METTL8: variants seen among roughly 807,000 people sequenced by gnomAD.
METTL8 encodes the protein tRNA N(3)-cytidine methyltransferase METTL8, mitochondrial.
Under a neutral mutation model 48.7 loss-of-function variants are expected in METTL8, and 32 were observed. The ratio of observed to expected loss-of-function variants is 0.66; its 90% CI spans 0.50 to 0.88. The LOEUF (loss-of-function observed/expected upper bound fraction) is 0.88. METTL8 is among the 40% of genes least tolerant of loss of function. The pLI, the probability that METTL8 is intolerant of heterozygous loss-of-function variation, is 0.00. For synonymous variants in METTL8, 136 were observed against 157.1 expected, an observed-to-expected ratio of 0.87 and a Z score of 1.01; for missense variants, 464 against 474.4, an observed-to-expected ratio of 0.98 and a Z score of 0.20.
intron 1 of METTL8, among the ~76,000 whole-genome samples, chr2:171,426,094 T>C (rs1278365228): frequency 3.9e-5 from 6 of 152,088 alleles, no homozygotes; most frequent in African/African-American, 1.4e-4. Context: ...GAGGCAGAGG[T>C]TGCAGTGAGC....
intron 2 of METTL8, among the ~76,000 whole-genome samples, chr2:171,384,939 A>G (rs1278230278): frequency 3.3e-5 from 5 of 152,190 alleles, no homozygotes; most frequent in Non-Finnish European, 7.3e-5. Flanking sequence ...TTCTCAGCAT[A>G]TTAGAAACTA....
chr2:171,398,504 A>T (rs946661990), intron 1 of METTL8, among the ~76,000 whole-genome samples: 2 of 152,054 alleles, frequency 1.3e-5, no homozygotes, highest in Non-Finnish European at 2.9e-5. Context: ...AGGTTGGGGA[A>T]GGGGGAATGG....
intron 1 of METTL8, among the ~76,000 whole-genome samples, chr2:171,410,314 T>G (rs1380820031): frequency 6.6e-6 from 1 of 152,240 alleles, no homozygotes; most frequent in Non-Finnish European, 1.5e-5. Context: ...TTATTTTAAA[T>G]GGTCTTAGAA....
chr2:171,356,955 T>G (rs1422987249), intron 3 of METTL8, among the ~76,000 whole-genome samples: 1 of 121,088 alleles, frequency 8.3e-6, no homozygotes, highest in Non-Finnish European at 1.8e-5. Context: ...AGACAATATT[T>G]TTTTTTTTTT....
chr2:171,370,342 A>G (rs1459471644), intron 2 of METTL8, among the ~76,000 whole-genome samples: 2 of 152,166 alleles, frequency 1.3e-5, no homozygotes, highest in Non-Finnish European at 2.9e-5. Context: ...TCCTGGATCA[A>G]CTTTCTATGT....
intron 5 of METTL8, among the ~76,000 whole-genome samples, chr2:171,335,370 G>A (rs1685977299): frequency 6.6e-6 from 1 of 151,996 alleles, no homozygotes; most frequent in Non-Finnish European, 1.5e-5. Flanking sequence ...TTGAATTGAG[G>A]TGTTAGGCAT....
Position 171,421,378 on chromosome 2 carries a change from T to G in METTL8, c.-13+12505A>C, listed in dbSNP as rs142293670. ...GACTTGAGCCTAGGAGTTTGAGGCTTTAATGCACGATGATCACACATGTGA... is the reference window on the plus strand; with the variant it reads ...GACTTGAGCCTAGGAGTTTGAGGCTGTAATGCACGATGATCACACATGTGA... On this transcript the variant is annotated intron_variant, in intron 1 of 9. Coordinates refer to ENST00000375258, the MANE Select transcript of METTL8 (RefSeq NM_001321154.2). 3.3e-3 allele frequency among the ~76,000 whole-genome samples: 504 copies of G among 152,142 alleles called. 1 individual carries two copies. The highest frequency in any genetic ancestry group is 0.011 in the African/African-American group (462 of 41,500).
intron 1 of METTL8, among the ~76,000 whole-genome samples, chr2:171,404,020 T>C (rs868444800): frequency 7.7e-6 from 1 of 129,112 alleles, no homozygotes; most frequent in Non-Finnish European, 1.6e-5. Context: ...AAACTGTGAA[T>C]AGTAACAAAC....
chr2:171,387,533 T>C (rs1050339743), intron 2 of METTL8, among the ~76,000 whole-genome samples: 1 of 148,210 alleles, frequency 6.7e-6, no homozygotes, highest in Non-Finnish European at 1.5e-5. Flanking sequence ...CTGTCTTATT[T>C]AAAAAAAATT....
rs966180718 is a variant in METTL8 at position 171,319,800 on chromosome 2, C to T, written c.*4372G>A. 1 of 151,918 alleles carries T rather than the reference C, an allele frequency of 6.6e-6. No homozygotes were observed. Among genetic ancestry groups the T allele is most frequent in the African/African-American group, 2.4e-5 (1 of 41,342 alleles). The allele number at this position is 151,918 out of a possible 1,614,324, so 9.4% of individuals were successfully genotyped here. A position where few individuals can be genotyped will look rare whatever the true frequency, so the allele number is the denominator to read the frequency against. ...ATGTGTGAGAATTTTTACATTTGGA[C>T]GATGCTCAAAAGTGAATTTTTAGAA... is the stretch of plus-strand genomic sequence containing the variant. On this transcript the variant is annotated 3_prime_UTR_variant, in exon 10 of 10. Transcript: ENST00000375258.
chr2:171,340,837 C>T (rs983992693), intron 3 of METTL8, among the ~76,000 whole-genome samples: 18 of 152,286 alleles, frequency 1.2e-4, no homozygotes, highest in South Asian at 6.2e-4. Flanking sequence ...GAGGCCATCC[C>T]GTAACTCCAT....
chr2:171,410,085 A>T (rs534167606), intron 1 of METTL8, among the ~76,000 whole-genome samples: 1 of 152,230 alleles, frequency 6.6e-6, no homozygotes, highest in African/African-American at 2.4e-5. Context: ...AATTGAGAAT[A>T]TTAATTATGT....
chr2:171,359,802 C>A (rs1358281962), intron 3 of METTL8, among the ~76,000 whole-genome samples: 1 of 151,986 alleles, frequency 6.6e-6, no homozygotes, highest in Non-Finnish European at 1.5e-5. Context: ...TTAGTAGAGA[C>A]AGGTTTTCTC....
chr2:171,421,538 G>A (rs1361677208), intron 1 of METTL8, among the ~76,000 whole-genome samples: 3 of 151,928 alleles, frequency 2.0e-5, no homozygotes, highest in African/African-American at 7.3e-5. Context: ...CACTTAGGAA[G>A]TTGTAAAATA....
intron 1 of METTL8, among the ~76,000 whole-genome samples, chr2:171,399,970 C>A (rs1156547441): frequency 5.3e-5 from 8 of 151,854 alleles, no homozygotes; most frequent in Admixed American, 4.6e-4. Context: ...GAGACCTCAT[C>A]TCAAAATAAA....
chr2:171,318,328 C>G lies in METTL8; in HGVS notation c.*5844G>C, dbSNP rs1684360077. On this transcript the variant is annotated 3_prime_UTR_variant, in exon 10 of 10. Coordinates refer to ENST00000375258, the MANE Select transcript of METTL8 (RefSeq NM_001321154.2). ...TTGGTATTAATGTGGCATTAATGTA[C>G]ATACAATGTTTTAAATAACGATGTT... is the stretch of plus-strand genomic sequence containing the variant. 1.3e-5 allele frequency: 2 copies of G among 152,186 alleles called. No homozygotes were observed. The highest frequency in any genetic ancestry group is 2.9e-5 in the Non-Finnish European group (2 of 68,036). 9.4% of individuals were successfully genotyped at this position (152,186 alleles called of 1,614,324 possible).
At chr2:171,419,263 C>G in intron 1 of METTL8, among the ~76,000 whole-genome samples, 1 of 152,016 alleles carries the variant, frequency 6.6e-6, no homozygotes, top group East Asian at 1.9e-4. Context: ...TCTCAAGGGA[C>G]AAAGCAAGGA....
At chr2:171,347,632 T>C (rs1269531295) in intron 3 of METTL8, among the ~76,000 whole-genome samples, 1 of 152,208 alleles carries the variant, frequency 6.6e-6, no homozygotes, top group Non-Finnish European at 1.5e-5. Flanking sequence ...TTTAATTCAG[T>C]TTAGGCTTGA....
chr2:171,326,026 C>T lies in METTL8; in HGVS notation c.967+16G>A. 2.1e-6 allele frequency: 3 copies of T among 1,419,486 alleles called. No individual in the cohort carries two copies. Among genetic ancestry groups the T allele is most frequent in the Non-Finnish European group, 2.9e-6 (3 of 1,033,446 alleles). 87.9% of individuals were successfully genotyped at this position (1,419,486 alleles called of 1,614,324 possible). ...TAGAACATTTAAAAATAACCTCAAACTGAATATACTATTACCCTTTTTAAA... is the reference window on the plus strand; with the variant it reads ...TAGAACATTTAAAAATAACCTCAAATTGAATATACTATTACCCTTTTTAAA... On this transcript the variant is annotated intron_variant, in intron 8 of 9. Transcript: ENST00000375258.
Sources: gnomAD v4.1 joint callset for allele counts (sites outside exome capture counted in the v4.1 genomes callset) on GRCh38, gnomAD v4.1.1 for gene constraint, MANE v1.5 for transcripts, NCBI Gene and HGNC (gene_info 2026-07-23, HGNC 2026-07-21) for gene names.